Variants in TENM2 observed in about 807,000 individuals in gnomAD.
TENM2 encodes teneurin-2.
TENM2 carries 52 observed loss-of-function variants against 245.2 expected under a neutral mutation model. The observed-to-expected ratio is 0.21, with a 90% CI of 0.17 to 0.27. TENM2 has a LOEUF of 0.27. Among genes scored for constraint, TENM2 ranks in the 10% least tolerant of loss-of-function variants. The pLI, the probability that TENM2 is intolerant of heterozygous loss-of-function variation, is 1.00. For synonymous variants in TENM2, 1,363 were observed against 1,438.9 expected, an observed-to-expected ratio of 0.95 and a Z score of 1.19; for missense variants, 3,046 against 3,666.8, an observed-to-expected ratio of 0.83 and a Z score of 4.37.
intron 17 of TENM2, 75 bp downstream of exon 19, chr5:168,200,206 C>G (rs1163206486): frequency 7.3e-7 from 1 of 1,372,942 alleles, no homozygotes; most frequent in East Asian, 2.4e-5. Context: ...TTATTGAGTT[C>G]CGAGGATATG....
chr5:168,136,600 G>A (rs1162157108), intron 12 of TENM2, among the ~76,000 whole-genome samples: 1 of 152,218 alleles, frequency 6.6e-6, no homozygotes, highest in Admixed American at 6.5e-5. Context: ...GTTCCTTTGA[G>A]AAGACAAACC....
At chr5:167,886,568 T>C (rs1215957758) in intron 3 of TENM2, among the ~76,000 whole-genome samples, 1 of 152,244 alleles carries the variant, frequency 6.6e-6, no homozygotes, top group Non-Finnish European at 1.5e-5. Flanking sequence ...AAGCATGTTA[T>C]TTATAGAACT....
intron 4 of TENM2, among the ~76,000 whole-genome samples, chr5:167,975,424 C>G (rs1782363269): frequency 6.6e-6 from 1 of 151,140 alleles, no homozygotes; most frequent in Non-Finnish European, 1.5e-5. Context: ...TGTGTTGATG[C>G]TAAATGATGG....
intron 7 of TENM2, among the ~76,000 whole-genome samples, chr5:168,065,402 G>A (rs972436729): frequency 2.0e-5 from 3 of 152,242 alleles, no homozygotes; most frequent in East Asian, 3.9e-4. Flanking sequence ...CCTTGAGCAC[G>A]TCCCTTAACT....
At chr5:167,222,664 A>C in the TENM2 span, among the ~76,000 whole-genome samples, 1 of 152,306 alleles carries the variant, frequency 6.6e-6, no homozygotes, top group South Asian at 2.1e-4. Flanking sequence ...GCTGCTCGGA[A>C]ACATGCACAA....
chr5:167,124,112 C>T, the TENM2 span, among the ~76,000 whole-genome samples: 1 of 152,164 alleles, frequency 6.6e-6, no homozygotes, highest in Non-Finnish European at 1.5e-5. Flanking sequence ...TGGGTTTCCA[C>T]TGTGTGATCT....
the TENM2 span, among the ~76,000 whole-genome samples, chr5:167,114,630 A>T: frequency 6.6e-6 from 1 of 152,224 alleles, no homozygotes; most frequent in Non-Finnish European, 1.5e-5. Flanking sequence ...TTGCTTTTTA[A>T]AAAATTAAAT....
chr5:168,216,890 C>T (rs778644620), exon 22 of TENM2: 2 of 1,613,900 alleles, frequency 1.2e-6, no homozygotes, highest in African/African-American at 2.7e-5. Flanking sequence ...CGTCCGGCCG[C>T]TGAGCTGTGA....
chr5:167,701,223 C>T (rs1192776521), intron 2 of TENM2, among the ~76,000 whole-genome samples: 1 of 152,032 alleles, frequency 6.6e-6, no homozygotes, highest in Non-Finnish European at 1.5e-5. Flanking sequence ...TTACATCTCC[C>T]CCAACTCTTG....
rs998809265 is a variant in TENM2 at position 167,901,744 on chromosome 5, C to T, written c.712+25549C>T. On this transcript the variant is annotated intron_variant, in intron 3 of 28. Transcript: ENST00000518659. ...TATTAATGTTCTTCCATCATGCTGG[C>T]ACATCGCAATTTTTAAAAATCTACC... is the stretch of plus-strand genomic sequence containing the variant. Among the ~76,000 whole-genome samples, 16 of 152,252 alleles carry T rather than the reference C, an allele frequency of 1.1e-4. 1 individual carries two copies. The South Asian group carries it at 2.5e-3, about 24-fold the overall frequency.
chr5:167,471,733 G>A (rs945860945), intron 2 of TENM2, among the ~76,000 whole-genome samples: 1 of 152,194 alleles, frequency 6.6e-6, no homozygotes, highest in African/African-American at 2.4e-5. Context: ...GGTGTGTGGT[G>A]ATAGACGCAG....
intron 2 of TENM2, among the ~76,000 whole-genome samples, chr5:167,615,392 A>C (rs1345835195): frequency 6.6e-6 from 1 of 152,010 alleles, no homozygotes; most frequent in Admixed American, 6.6e-5. Flanking sequence ...TTTTTATTTC[A>C]TTTTGTGTTT....
In TENM2 at chr5:167,907,524, A is replaced by AATATAT. The variant is rs56159044; in HGVS notation, c.712+31372_712+31377dup. 2.6e-3 allele frequency among the ~76,000 whole-genome samples: 201 copies of AATATAT among 78,206 alleles called. 3 individuals carry two copies. Among genetic ancestry groups the AATATAT allele is most frequent in the Non-Finnish European group, 4.0e-3 (142 of 35,538 alleles). The allele number at this position is 78,206 out of a possible 152,430, so 51.3% of individuals were successfully genotyped here. A position where few individuals can be genotyped will look rare whatever the true frequency, so the allele number is the denominator to read the frequency against. On this transcript the variant is annotated intron_variant, in intron 3 of 28. Coordinates refer to ENST00000518659, the Ensembl canonical transcript of TENM2. ...TAGTAATTTTGTTTAGATCACCCTA[A>AATATAT]ATATATATATATATATATATATATA...
chr5:167,603,463 A>G (rs1379727011), intron 2 of TENM2, among the ~76,000 whole-genome samples: 1 of 152,156 alleles, frequency 6.6e-6, no homozygotes, highest in Admixed American at 6.5e-5. Flanking sequence ...TGGGTGCATC[A>G]TTTGAGCTCA....
At chr5:167,971,623 C>A (rs1039361536) in intron 4 of TENM2, among the ~76,000 whole-genome samples, 1 of 152,126 alleles carries the variant, frequency 6.6e-6, no homozygotes, top group Admixed American at 6.5e-5. Context: ...ATTGCTTGAA[C>A]CTGGGAGGCG....
chr5:167,117,428 G>A, the TENM2 span, among the ~76,000 whole-genome samples: 52 of 152,240 alleles, frequency 3.4e-4, no homozygotes, highest in East Asian at 7.0e-3. Flanking sequence ...GCGTGAACCC[G>A]GGAGGTGGAG....
intron 3 of TENM2, among the ~76,000 whole-genome samples, chr5:167,930,473 ATTTAT>A (rs1055898585): frequency 1.3e-5 from 2 of 150,806 alleles, no homozygotes; most frequent in African/African-American, 4.9e-5. Flanking sequence ...TTATTTATTT[ATTTAT>A]TTATTTATTT....
intron 3 of TENM2, among the ~76,000 whole-genome samples, chr5:167,929,339 A>T (rs1289575861): frequency 6.6e-6 from 1 of 152,098 alleles, no homozygotes; most frequent in South Asian, 2.1e-4. Context: ...CTCTTAGAGG[A>T]TGTTACAGCC....
intron 2 of TENM2, among the ~76,000 whole-genome samples, chr5:167,527,900 G>GTA (rs552247189): frequency 5.5e-4 from 83 of 152,218 alleles, no homozygotes; most frequent in African/African-American, 1.9e-3. Context: ...TTCTATCAGA[G>GTA]TAACTGCACC....
Sources: gnomAD v4.1 joint callset for allele counts (sites outside exome capture counted in the v4.1 genomes callset) on GRCh38, gnomAD v4.1.1 for gene constraint, MANE v1.5 for transcripts, NCBI Gene and HGNC (gene_info 2026-07-23, HGNC 2026-07-21) for gene names.